The following DIDO1 variants were observed in gnomAD, a reference collection of about 807,000 sequenced individuals.
DIDO1 encodes death-inducer obliterator 1.
DIDO1 carries 16 observed loss-of-function variants against 99.4 expected under a neutral mutation model. The observed-to-expected ratio is 0.16, with a 90% CI of 0.11 to 0.24. DIDO1 has a LOEUF of 0.24. Among genes scored for constraint, DIDO1 ranks in the 10% least tolerant of loss-of-function variants. DIDO1 has a pLI of 1.00. For missense variants in DIDO1, 2,996 were observed against 3,014.0 expected, an observed-to-expected ratio of 0.99 and a Z score of 0.14; for synonymous variants, 1,366 against 1,239.1, an observed-to-expected ratio of 1.10 and a Z score of -2.15.
intron 12 of DIDO1, 21 bp downstream of exon 12, chr20:62,893,645 G>T: frequency 6.3e-7 from 1 of 1,574,852 alleles, no homozygotes; most frequent in South Asian, 1.1e-5. Flanking sequence ...GGCTTGTTCA[G>T]ACCACACCTG....
Position 62,881,218 on chromosome 20 carries a change from T to C in DIDO1, c.4738A>G (p.Arg1580Gly), listed in dbSNP as rs2064198854. The change falls in exon 16 of 16, where the codon AGG (arginine) becomes GGG (glycine). Residue 1580 changes from arginine to glycine, a missense_variant. By Grantham distance (125) the Arg-to-Gly change is moderately radical. Transcript: ENST00000395343. This position sits in a 1 kb window ranked among gnomAD's most constrained non-coding sequence, Gnocchi z 8.3. Reference sequence around the variant, plus strand: ...CCCTGGGCACCACGTGCCGAGAGCCTGGAGAGAGGCTCCCCCTCCCCCTCA... The same window carrying C: ...CCCTGGGCACCACGTGCCGAGAGCCCGGAGAGAGGCTCCCCCTCCCCCTCA... ...TGEGEGEPLS[R>G]LSARGAQGAL... is the part of the protein sequence containing the mutation. 1.9e-6 allele frequency: 3 copies of C among 1,604,724 alleles called. No individual in the cohort carries two copies. Among genetic ancestry groups the C allele is most frequent in the Non-Finnish European group, 2.5e-6 (3 of 1,177,962 alleles).
chr20:62,910,538 C>T (rs909384436), intron 3 of DIDO1, among the ~76,000 whole-genome samples: 1 of 152,188 alleles, frequency 6.6e-6, no homozygotes, highest in Non-Finnish European at 1.5e-5. Flanking sequence ...TGGGGTGGGG[C>T]GCTATTCACC....
At chr20:62,883,463 C>T (rs1350969546) in intron 15 of DIDO1, among the ~76,000 whole-genome samples, 9 of 150,854 alleles carry the variant, frequency 6.0e-5, no homozygotes, top group African/African-American at 1.5e-4. Context: ...GAGGCCAAGG[C>T]GGGTGGATCA....
At position 62,880,577 on chromosome 20, in the gene DIDO1, T is replaced by C. The variant is rs1444199017; in HGVS notation, c.5379A>G (p.Arg1793=). 1 of 1,612,826 alleles carries C rather than the reference T, an allele frequency of 6.2e-7. No homozygotes were observed. The highest frequency in any genetic ancestry group is 8.5e-7 in the Non-Finnish European group (1 of 1,179,988). Residue 1793 remains arginine, a synonymous_variant, in exon 16 of 16, where the codon CGA becomes CGG. Coordinates refer to ENST00000395343, the MANE Select transcript of DIDO1 (RefSeq NM_001193369.2). ...CTCCGAATCTGGCTGGCGGAGGCCCTCGTGGCCCATCGTTAGAAGCGATAT... is the reference window on the plus strand; with the variant it reads ...CTCCGAATCTGGCTGGCGGAGGCCCCCGTGGCCCATCGTTAGAAGCGATAT... ...EENIASNDGP[R]GPPPARFGAQ...
chr20:62,890,232 G>A (rs988086774), intron 15 of DIDO1: 31 of 985,776 alleles, frequency 3.1e-5, no homozygotes, highest in African/African-American at 8.7e-5. Flanking sequence ...GCATGGCCAC[G>A]GAGACACTTC....
intron 14 of DIDO1, 23 bp from the exon 15 acceptor site, chr20:62,891,178 A>C (rs1302835032): frequency 6.2e-7 from 1 of 1,612,792 alleles, no homozygotes; most frequent in Admixed American, 1.7e-5. Flanking sequence ...AGTGGGAAGC[A>C]CTCATAAAGA....
intron 1 of DIDO1, among the ~76,000 whole-genome samples, chr20:62,920,838 G>A (rs572172731): frequency 7.2e-5 from 11 of 152,260 alleles, no homozygotes; most frequent in South Asian, 6.2e-4. Context: ...CATTGTTTTC[G>A]TCATTGAAAA....
chr20:62,881,736 C>G lies in DIDO1; in HGVS notation c.4220G>C (p.Arg1407Pro), dbSNP rs759369005. The change falls in exon 16 of 16, where the codon CGC becomes CCC. Residue 1407 changes from arginine to proline, a missense_variant. Arg to Pro is a moderately radical substitution (Grantham distance 103). Coordinates refer to ENST00000395343, the MANE Select transcript of DIDO1 (RefSeq NM_001193369.2). This position sits in a 1 kb window ranked among gnomAD's most constrained non-coding sequence, Gnocchi z 8.3. The part of the protein sequence containing the change: ...FDTQLVERGR[R>P]HEVERAPEAA... ...TTCAGGAGCCCTTTCCACCTCGTGG[C>G]GCCGCCCTCGCTCCACAAGCTGAGT... 6.2e-7 allele frequency: 1 copy of G among 1,613,034 alleles called. No homozygotes were observed. The highest frequency in any genetic ancestry group is 1.3e-5 in the African/African-American group (1 of 75,052).
chr20:62,883,825 C>A (rs1355823211), intron 15 of DIDO1, among the ~76,000 whole-genome samples: 1 of 148,538 alleles, frequency 6.7e-6, no homozygotes, highest in Non-Finnish European at 1.5e-5. Flanking sequence ...GACTCTGTCT[C>A]AAAAAAACAA....
intron 1 of DIDO1, among the ~76,000 whole-genome samples, 154 bp from the exon 2 acceptor site, chr20:62,914,560 G>T (rs1352439323): frequency 6.6e-6 from 1 of 152,332 alleles, no homozygotes; most frequent in East Asian, 1.9e-4. Context: ...CAGCACGCAA[G>T]CAGTGTCCTT....
chr20:62,936,303 G>A (rs554159269), intron 1 of DIDO1, among the ~76,000 whole-genome samples: 5 of 151,178 alleles, frequency 3.3e-5, no homozygotes, highest in African/African-American at 7.3e-5. Context: ...ACTGTAATCC[G>A]AGCACCTTGG....
chr20:62,892,674 G>T (rs1040056341), intron 13 of DIDO1, 135 bp downstream of exon 13: 4 of 1,224,932 alleles, frequency 3.3e-6, no homozygotes, highest in Middle Eastern at 2.0e-4. Context: ...CATCCAGACA[G>T]ACGGTTGCAA....
rs1051201141 is a variant in DIDO1, at chr20:62,911,824, C to T, written c.-2-210G>A. ...AATTTTAATATAGTTAAACAACTAA[C>T]GTTTAGACAAAAATACAGCTAACAA... On this transcript the variant is annotated intron_variant, in intron 2 of 15. Transcript: ENST00000395343. This position sits in a 1 kb window ranked among gnomAD's most constrained non-coding sequence, Gnocchi z 7.0. Among the ~76,000 whole-genome samples, 8 of 152,176 alleles carry T rather than the reference C, an allele frequency of 5.3e-5. No homozygotes were observed. Among genetic ancestry groups the T allele is most frequent in the Admixed American group, 4.6e-4 (7 of 15,262 alleles).
rs897155657 is a variant in DIDO1 at position 62,881,572 on chromosome 20, C to T, written c.4384G>A (p.Glu1462Lys). The stretch of plus-strand genomic sequence containing the variant: ...GGCGTCGCAGCCCCGGCCACCGGCT[C>T]GGCAGGCCTCTCCACGGAGTTCCTT... ...VRRNSVERPA[E>K]PVAGAATPSL... Residue 1462 changes from glutamate (E) to lysine (K), a missense_variant, in exon 16 of 16, where the codon GAG becomes AAG. Around this residue, in one of 5 missense-constraint regions of DIDO1, gnomAD observed 1,562 missense variants for 1,412.6 expected, o/e 1.11. Transcript: ENST00000395343. This position sits in a 1 kb window ranked among gnomAD's most constrained non-coding sequence, Gnocchi z 8.3. 3.1e-6 allele frequency: 5 copies of T among 1,611,312 alleles called. No homozygotes were observed. In the African/African-American group the frequency reaches 5.3e-5, roughly 17 times the overall value.
intron 1 of DIDO1, among the ~76,000 whole-genome samples, chr20:62,922,953 T>G (rs893668866): frequency 5.3e-5 from 8 of 152,100 alleles, no homozygotes; most frequent in Admixed American, 5.2e-4. Context: ...GAACACAAAC[T>G]AACAGACCAG....
chr20:62,908,425 A>G (rs749745445), intron 4 of DIDO1, among the ~76,000 whole-genome samples: 4 of 152,126 alleles, frequency 2.6e-5, no homozygotes, highest in Admixed American at 2.6e-4. Flanking sequence ...ATGGAAATGG[A>G]GGCATAAATG....
chr20:62,901,867 A>AC (rs2064691231), intron 6 of DIDO1, among the ~76,000 whole-genome samples: 2 of 151,626 alleles, frequency 1.3e-5, no homozygotes, highest in African/African-American at 4.9e-5. Context: ...ATACAAATCT[A>AC]CCTGAAACTT....
Position 62,905,473 on chromosome 20 carries a change from G to A in DIDO1, c.1588+414C>T, listed in dbSNP as rs2064780300. ...TCATGTGCTGGCCGTGGACAATGTG[G>A]AAAAACTGAAGCGTATACAGCGCTG... On this transcript the variant is annotated intron_variant, in intron 6 of 15. Transcript: ENST00000395343. 4 of 1,542,790 alleles carry A rather than the reference G, an allele frequency of 2.6e-6. No individual in the cohort carries two copies. The Admixed American group carries it at 6.0e-5, about 23-fold the overall frequency.
chr20:62,889,388 C>T (rs1249051971), intron 15 of DIDO1: 2 of 985,322 alleles, frequency 2.0e-6, no homozygotes, highest in Admixed American at 1.2e-4. Flanking sequence ...CACCTGACAG[C>T]TCCAAGTTTG....
Sources: allele counts gnomAD v4.1 joint callset (sites outside exome capture counted in the v4.1 genomes callset), GRCh38; gene constraint gnomAD v4.1.1; regional missense constraint gnomAD v4.1.1; non-coding constraint Gnocchi (gnomAD v3.1); transcripts MANE v1.5; gene names NCBI Gene and HGNC (gene_info 2026-07-23, HGNC 2026-07-21).